Variants in UBQLN1 observed in about 807,000 individuals in gnomAD.
UBQLN1 encodes the protein ubiquilin-1.
Under a neutral mutation model 65.4 loss-of-function variants are expected in UBQLN1, and 13 were observed. That is an observed-to-expected ratio of 0.20 (90% CI 0.13 to 0.32). The LOEUF is 0.32. UBQLN1 is among the 10% of genes least tolerant of loss of function. The pLI is 1.00. For synonymous variants in UBQLN1, 267 were observed against 247.8 expected, an observed-to-expected ratio of 1.08 and a Z score of -0.73; for missense variants, 561 against 724.0, an observed-to-expected ratio of 0.77 and a Z score of 2.58.
At position 83,677,075 on chromosome 9, in the gene UBQLN1, T is replaced by C. The variant is rs147536809; in HGVS notation, c.1105+652A>G. Reference sequence around the variant, plus strand: ...GGGTAAGATCTGGGAATCTGATTTTTAATAAACCTGGCAGGTGCTCTGATG... The same window carrying C: ...GGGTAAGATCTGGGAATCTGATTTTCAATAAACCTGGCAGGTGCTCTGATG... On this transcript the variant is annotated intron_variant, in intron 6 of 10. Coordinates refer to ENST00000376395, the MANE Select transcript of UBQLN1 (RefSeq NM_013438.5). Among the ~76,000 whole-genome samples the C allele has an allele frequency of 4.8e-4, 73 of 152,308 alleles. No homozygotes were observed. The East Asian group carries it at 0.013, about 27-fold the overall frequency.
chr9:83,706,148 T>TTAGGCAAATAAG (rs1832402314), intron 1 of UBQLN1, among the ~76,000 whole-genome samples: 1 of 152,196 alleles, frequency 6.6e-6, no homozygotes. Flanking sequence ...AAAAATGAAG[T>TTAGGCAAATAAG]TGAACTTAGG....
chr9:83,699,724 G>A (rs1035682168), intron 1 of UBQLN1, among the ~76,000 whole-genome samples: 3 of 152,156 alleles, frequency 2.0e-5, no homozygotes, highest in African/African-American at 4.8e-5. Flanking sequence ...TATATTAACA[G>A]GAAGCCCTAA....
intron 2 of UBQLN1, among the ~76,000 whole-genome samples, chr9:83,684,732 A>T (rs1005050711): frequency 1.9e-4 from 28 of 150,068 alleles, no homozygotes; most frequent in Non-Finnish European, 8.9e-5. Context: ...AATCGCTTGA[A>T]CCCAGAGGCA....
chr9:83,684,327 T>TG (rs1554728674), intron 2 of UBQLN1, among the ~76,000 whole-genome samples: 1 of 151,740 alleles, frequency 6.6e-6, no homozygotes, highest in Non-Finnish European at 1.5e-5. Context: ...CCCGAGTAGC[T>TG]GGGACTACAG....
intron 4 of UBQLN1, among the ~76,000 whole-genome samples, chr9:83,678,836 G>T (rs11140210): frequency 6.6e-6 from 1 of 152,104 alleles, no homozygotes; most frequent in East Asian, 1.9e-4. Context: ...TCCTGCCTCA[G>T]CCTCCCGAGT....
At chr9:83,684,104 T>A (rs1361507123) in intron 2 of UBQLN1, among the ~76,000 whole-genome samples, 2 of 152,176 alleles carry the variant, frequency 1.3e-5, no homozygotes, top group African/African-American at 4.8e-5. Context: ...CCAGTTTTAC[T>A]CTGGCCCTTG....
chr9:83,669,525 G>C (rs1280332467), intron 6 of UBQLN1, among the ~76,000 whole-genome samples, 198 bp from the exon 7 acceptor site: 1 of 152,088 alleles, frequency 6.6e-6, no homozygotes, highest in African/African-American at 2.4e-5. Context: ...CAGGAAAAGA[G>C]GACTGATGAG....
At chr9:83,677,528 C>CTCCA (rs1454793037) in intron 6 of UBQLN1, among the ~76,000 whole-genome samples, 199 bp downstream of exon 6, 4 of 152,168 alleles carry the variant, frequency 2.6e-5, no homozygotes. Context: ...TGCCATTGTA[C>CTCCA]TCCAGCCTGT....
chr9:83,679,982 G>C lies in UBQLN1; in HGVS notation c.504C>G (p.Phe168Leu). 1 of 1,614,150 alleles carries C rather than the reference G, an allele frequency of 6.2e-7. No homozygotes were observed. Among genetic ancestry groups the C allele is most frequent in the East Asian group, 2.2e-5 (1 of 44,874 alleles). The change falls in exon 4 of 11, where the codon TTC becomes TTG. Residue 168 changes from phenylalanine (F) to leucine (L), a missense_variant. Around this residue, in one of 8 missense-constraint regions of UBQLN1, gnomAD observed 87 missense variants for 88.8 expected, o/e 0.98. Transcript: ENST00000376395. Reference protein sequence around the residue: ...LSSLGLNTTNFSELQSQMQRQ... With the variant: ...LSSLGLNTTNLSELQSQMQRQ... ...GCTGCATCTGACTCTGTAGTTCAGAGAAGTTGGTAGTATTCAAACCCAAGC... is the reference window on the plus strand; with the variant it reads ...GCTGCATCTGACTCTGTAGTTCAGACAAGTTGGTAGTATTCAAACCCAAGC...
At chr9:83,675,273 C>A (rs764446127) in intron 6 of UBQLN1, among the ~76,000 whole-genome samples, 3 of 152,152 alleles carry the variant, frequency 2.0e-5, no homozygotes, top group Non-Finnish European at 2.9e-5. Flanking sequence ...ACCCTGCCAA[C>A]CCTCCAACAA....
rs550242383 is a variant in UBQLN1, at chr9:83,683,184, T to A, written c.333-118A>T. 13 of 566,044 alleles carry A rather than the reference T, an allele frequency of 2.3e-5. No individual in the cohort carries two copies. The South Asian group carries it at 2.9e-4, about 13-fold the overall frequency. 35.1% of individuals were successfully genotyped at this position (566,044 alleles called of 1,614,324 possible). A position where few individuals can be genotyped will look rare whatever the true frequency, so the allele number is the denominator to read the frequency against. On this transcript the variant is annotated intron_variant, in intron 2 of 10. Transcript: ENST00000376395. ...TCCCAGCACTTTGGGAGGCCGAAGC[T>A]GGCTGATCACGAGGTCAAGAGATAG...
intron 1 of UBQLN1, among the ~76,000 whole-genome samples, chr9:83,693,585 C>G (rs140791765): frequency 2.4e-3 from 365 of 151,962 alleles, no homozygotes; most frequent in African/African-American, 8.2e-3. Context: ...GTTAGAAAAC[C>G]GTATCAAATA....
At chr9:83,666,280 A>G (rs12344615) in intron 8 of UBQLN1, 70 bp downstream of exon 8, 277,598 of 1,480,400 alleles carry the variant, frequency 0.19, 28,218 homozygotes, top group Middle Eastern at 0.27. Context: ...AAGAGCAAGG[A>G]AAAATGTTTA....
chr9:83,698,633 C>G (rs1832260481), intron 1 of UBQLN1, among the ~76,000 whole-genome samples: 1 of 152,172 alleles, frequency 6.6e-6, no homozygotes, highest in Admixed American at 6.5e-5. Context: ...TAAATTCTGG[C>G]TGGGTGCGGT....
intron 1 of UBQLN1, among the ~76,000 whole-genome samples, chr9:83,704,834 A>AAG (rs1832371857): frequency 6.6e-6 from 1 of 151,042 alleles, no homozygotes; most frequent in African/African-American, 2.5e-5. Context: ...CAAAAAAAAA[A>AAG]AAAAAAAAAA....
chr9:83,662,843 G>A (rs574702359), intron 10 of UBQLN1, among the ~76,000 whole-genome samples: 7 of 152,236 alleles, frequency 4.6e-5, no homozygotes, highest in Non-Finnish European at 8.8e-5. Context: ...GGAGGCCAAG[G>A]CGGGTGAGAT....
At chr9:83,686,340 T>C (rs540734740) in intron 1 of UBQLN1, among the ~76,000 whole-genome samples, 185 bp from the exon 2 acceptor site, 42 of 152,024 alleles carry the variant, frequency 2.8e-4, no homozygotes, top group Non-Finnish European at 5.3e-4. Context: ...TGCAGTGAGC[T>C]ATTATCACAC....
chr9:83,706,162 A>G (rs564046840), intron 1 of UBQLN1, among the ~76,000 whole-genome samples: 17 of 152,338 alleles, frequency 1.1e-4, no homozygotes, highest in East Asian at 1.9e-4. Flanking sequence ...ACTTAGGCAA[A>G]TAAGTTCACA....
At chr9:83,691,030 C>T (rs13294533) in intron 1 of UBQLN1, among the ~76,000 whole-genome samples, 31,167 of 151,430 alleles carry the variant, frequency 0.21, 3,506 homozygotes, top group African/African-American at 0.28. Flanking sequence ...CCCAGCTACT[C>T]GGGAGGCTAA....
Sources: allele counts gnomAD v4.1 joint callset (sites outside exome capture counted in the v4.1 genomes callset), GRCh38; gene constraint gnomAD v4.1.1; regional missense constraint gnomAD v4.1.1; transcripts MANE v1.5; gene names NCBI Gene and HGNC (gene_info 2026-07-23, HGNC 2026-07-21).